Variants in NOS1AP observed in about 807,000 individuals in gnomAD.
The protein encoded by NOS1AP is carboxyl-terminal PDZ ligand of neuronal nitric oxide synthase protein.
In NOS1AP, 21 loss-of-function variants were observed where a neutral mutation model predicts 56.2. The ratio of observed to expected loss-of-function variants is 0.37; its 90% confidence interval spans 0.26 to 0.54. NOS1AP has a LOEUF of 0.54. NOS1AP is among the 20% of genes least tolerant of loss of function. The pLI is 0.84. For synonymous variants in NOS1AP, 270 were observed against 274.6 expected, an observed-to-expected ratio of 0.98 and a Z score of 0.17; for missense variants, 522 against 657.8, an observed-to-expected ratio of 0.79 and a Z score of 2.26.
intron 5 of NOS1AP, among the ~76,000 whole-genome samples, chr1:162,335,523 G>T (rs564101000): frequency 6.6e-6 from 1 of 152,316 alleles, no homozygotes; most frequent in South Asian, 2.1e-4. Flanking sequence ...GTTAACTTGG[G>T]AAGGAGTTTT....
At chr1:162,122,166 T>C (rs759842054) in intron 1 of NOS1AP, among the ~76,000 whole-genome samples, 10 of 152,318 alleles carry the variant, frequency 6.6e-5, no homozygotes, top group Middle Eastern at 3.4e-3. Flanking sequence ...GTAAATGATA[T>C]AAAGCAAGAC....
chr1:162,348,914 A>G (rs1199145394), intron 6 of NOS1AP, among the ~76,000 whole-genome samples: 1 of 152,222 alleles, frequency 6.6e-6, no homozygotes, highest in Non-Finnish European at 1.5e-5. Flanking sequence ...TGCCGGGCGC[A>G]GTGGCTCATG....
intron 8 of NOS1AP, among the ~76,000 whole-genome samples, chr1:162,362,475 G>GAAAGA (rs61085847): frequency 3.4e-5 from 5 of 148,780 alleles, no homozygotes; most frequent in Non-Finnish European, 7.4e-5. Context: ...AAAAAAGAAA[G>GAAAGA]AAAGAAAAGA....
chr1:162,277,475 T>G (rs1375426408), intron 2 of NOS1AP, among the ~76,000 whole-genome samples: 1 of 152,210 alleles, frequency 6.6e-6, no homozygotes, highest in African/African-American at 2.4e-5. Context: ...AGTTTCTCTC[T>G]TCCCAGCCAC....
Position 162,343,923 on chromosome 1 carries a change from A to G in NOS1AP, c.542A>G (p.Asp181Gly). Residue 181 changes from aspartate to glycine, a missense_variant, in exon 6 of 10, where the codon GAT becomes GGT. Physicochemically the swap from Asp to Gly is moderately conservative, Grantham distance 94. Transcript: ENST00000361897. ...CTGCAGCACACGCAGCAGAATGCAG[A>G]TGGCCAGGAAGATGGAGAGAGCGAG... is the stretch of plus-strand genomic sequence containing the variant. ...LSLQHTQQNA[D>G]GQEDGESERN... 6.2e-7 allele frequency: 1 copy of G among 1,614,106 alleles called. No individual in the cohort carries two copies. Among genetic ancestry groups the G allele is most frequent in the African/African-American group, 1.3e-5 (1 of 75,026 alleles).
chr1:162,182,625 C>T (rs942848450), intron 2 of NOS1AP, among the ~76,000 whole-genome samples: 1 of 152,220 alleles, frequency 6.6e-6, no homozygotes, highest in Non-Finnish European at 1.5e-5. Context: ...TGCTGCACTG[C>T]TTTATCAACT....
chr1:162,236,228 A>G (rs186313281), intron 2 of NOS1AP, among the ~76,000 whole-genome samples: 88 of 152,286 alleles, frequency 5.8e-4, no homozygotes, highest in African/African-American at 2.0e-3. Context: ...TTCCTATGCT[A>G]GTAGCTGTCC....
chr1:162,310,481 T>C (rs114468284), intron 4 of NOS1AP, among the ~76,000 whole-genome samples: 1,742 of 152,380 alleles, frequency 0.011, 40 homozygotes, highest in African/African-American at 0.039. Context: ...GGCCAGCCCA[T>C]CTGGCGGATA....
At chr1:162,099,804 T>C (rs9724967) in intron 1 of NOS1AP, among the ~76,000 whole-genome samples, 146,785 of 151,404 alleles carry the variant, frequency 0.97, 71,325 homozygotes, top group East Asian at 1. Flanking sequence ...CACAACAGTC[T>C]CCGATGTGTG....
At chr1:162,219,531 C>T (rs933676656) in intron 2 of NOS1AP, among the ~76,000 whole-genome samples, 2 of 152,300 alleles carry the variant, frequency 1.3e-5, no homozygotes, top group Middle Eastern at 3.4e-3. Context: ...CCCCCTGCCA[C>T]ACAAAAAGTC....
chr1:162,125,185 G>C (rs372384187), intron 1 of NOS1AP, among the ~76,000 whole-genome samples: 1 of 145,940 alleles, frequency 6.9e-6, no homozygotes, highest in African/African-American at 2.6e-5. Flanking sequence ...CTGGGCTGGA[G>C]TGCAGTGGCA....
intron 2 of NOS1AP, among the ~76,000 whole-genome samples, chr1:162,232,812 G>A (rs1443957098): frequency 6.6e-6 from 1 of 152,048 alleles, no homozygotes; most frequent in Non-Finnish European, 1.5e-5. Flanking sequence ...ACTCTATTAT[G>A]TAATAGACAC....
At chr1:162,236,073 T>C (rs1259236901) in intron 2 of NOS1AP, among the ~76,000 whole-genome samples, 2 of 152,182 alleles carry the variant, frequency 1.3e-5, no homozygotes, top group African/African-American at 4.8e-5. Flanking sequence ...ATGACAAATA[T>C]AGGTTAGTTA....
chr1:162,154,452 C>T lies in NOS1AP; in HGVS notation c.153C>T (p.Ile51=), dbSNP rs1384475512. Residue 51 remains isoleucine (I), a synonymous_variant, in exon 2 of 10, where the codon ATC becomes ATT. Transcript: ENST00000361897. ...DVPRPNSRVE[I]VAAMRRIRYE... ...CAAGGCCCAACAGCAGGGTGGAGAT[C>T]GTGGCTGCCATGCGCCGGATACGGG... 12 of 1,613,956 alleles carry T rather than the reference C, an allele frequency of 7.4e-6. No homozygotes were observed. Among genetic ancestry groups the T allele is most frequent in the East Asian group, 4.5e-5 (2 of 44,878 alleles).
chr1:162,180,586 C>T (rs1265790831), intron 2 of NOS1AP, among the ~76,000 whole-genome samples: 3 of 152,220 alleles, frequency 2.0e-5, no homozygotes, highest in East Asian at 3.9e-4. Context: ...CAGCCTGGAG[C>T]GGGACCTTCT....
Position 162,249,892 on chromosome 1 carries a change from G to A in NOS1AP, c.178-37452G>A, listed in dbSNP as rs139814159. ...CAATGGGGACAACTTCCCTGAAGAA[G>A]TGATAGATGAGTAGCAGTGAATGGG... On this transcript the variant is annotated intron_variant, in intron 2 of 9. Coordinates refer to ENST00000361897, the MANE Select transcript of NOS1AP (RefSeq NM_014697.3). 4.7e-3 allele frequency among the ~76,000 whole-genome samples: 713 copies of A among 152,340 alleles called. 5 individuals carry two copies. The highest frequency in any genetic ancestry group is 0.016 in the African/African-American group (677 of 41,578).
rs565475362 is a variant in NOS1AP, at chr1:162,298,514, C to T, written c.271-2119C>T. 3.2e-4 allele frequency among the ~76,000 whole-genome samples: 49 copies of T among 152,332 alleles called. 1 individual carries two copies. Among genetic ancestry groups the T allele is most frequent in the African/African-American group, 1.2e-3 (48 of 41,578 alleles). Reference sequence around the variant, plus strand: ...AGCAGAGGCAGAGTGGGAACCCAGCCTTAACTCCCTTCTGGGGGTAATAAG... The same window carrying T: ...AGCAGAGGCAGAGTGGGAACCCAGCTTTAACTCCCTTCTGGGGGTAATAAG... On this transcript the variant is annotated intron_variant, in intron 3 of 9. Transcript: ENST00000361897.
At chr1:162,253,383 A>G (rs4656363) in intron 2 of NOS1AP, among the ~76,000 whole-genome samples, 3,890 of 152,304 alleles carry the variant, frequency 0.026, 71 homozygotes, top group Non-Finnish European at 0.037. Context: ...AGAAATATTT[A>G]CTGCTTGAGC....
intron 2 of NOS1AP, among the ~76,000 whole-genome samples, chr1:162,175,825 C>G (rs1651033889): frequency 6.6e-6 from 1 of 152,166 alleles, no homozygotes; most frequent in Admixed American, 6.5e-5. Flanking sequence ...ATCATTCTAG[C>G]TTCCTCCCTT....
Sources: gnomAD v4.1 joint callset for allele counts (sites outside exome capture counted in the v4.1 genomes callset) on GRCh38, gnomAD v4.1.1 for gene constraint, MANE v1.5 for transcripts, NCBI Gene and HGNC (gene_info 2026-07-23, HGNC 2026-07-21) for gene names.